PCDH15: variants seen among roughly 807,000 people sequenced by gnomAD.
PCDH15 encodes protocadherin related 15.
In PCDH15, 129 loss-of-function variants were observed where a neutral mutation model predicts 178.5. That is an observed-to-expected ratio of 0.72 (90% confidence interval 0.63 to 0.84). PCDH15 has a LOEUF of 0.84. Ranked by LOEUF, PCDH15 falls within the 40% of genes least tolerant of loss-of-function variation. The pLI is 0.00. For missense variants in PCDH15, 2,230 were observed against 2,099.9 expected (o/e 1.06, Z -1.21); for synonymous variants, 800 against 732.0 (o/e 1.09, Z -1.50).
chr10:55,117,725 A>C (rs77740671), intron 2 of PCDH15, among the ~76,000 whole-genome samples: 5,054 of 152,262 alleles, frequency 0.033, 251 homozygotes, highest in East Asian at 0.14. Context: ...AGAAAATCTA[A>C]AATTCAGAGA....
chr10:55,122,309 T>G (rs1227626076), intron 2 of PCDH15, among the ~76,000 whole-genome samples: 1 of 152,082 alleles, frequency 6.6e-6, no homozygotes, highest in Non-Finnish European at 1.5e-5. Flanking sequence ...GAAAGATAAG[T>G]GTAAGGAAGT....
intron 8 of PCDH15, among the ~76,000 whole-genome samples, chr10:54,248,968 A>G (rs2056239969): frequency 6.6e-6 from 1 of 152,024 alleles, no homozygotes; most frequent in South Asian, 2.1e-4. Flanking sequence ...GTTGCCAATG[A>G]AAAACTTCTA....
chr10:54,620,790 A>C (rs2093328106), intron 2 of PCDH15, among the ~76,000 whole-genome samples: 1 of 152,084 alleles, frequency 6.6e-6, no homozygotes, highest in African/African-American at 2.4e-5. Flanking sequence ...TAAGAGAAAA[A>C]GAGGCAGTCT....
chr10:54,722,233 T>G (rs1335422892), intron 1 of PCDH15, among the ~76,000 whole-genome samples: 1 of 151,760 alleles, frequency 6.6e-6, no homozygotes, highest in African/African-American at 2.4e-5. Flanking sequence ...ATAAGAGCCA[T>G]GTATGACAAG....
intron 1 of PCDH15, among the ~76,000 whole-genome samples, chr10:54,766,934 A>AAAC (rs567962112): frequency 1.7e-4 from 24 of 143,312 alleles, no homozygotes; most frequent in East Asian, 1.1e-3. Flanking sequence ...CATCTCAAAA[A>AAAC]AACAAAAAAA....
In PCDH15 at chr10:54,077,585, A is replaced by C. The variant is rs183023709; in HGVS notation, c.2091+1746T>G. ...CTGAATGCTTTCTTAATTTCACTTC[A>C]CTGTAATTATACCTCTTAATCTATG... On this transcript the variant is annotated intron_variant, in intron 17 of 37. Transcript: ENST00000644397. Among the ~76,000 whole-genome samples, 47 of 152,112 alleles carry C rather than the reference A, an allele frequency of 3.1e-4. No homozygotes were observed. The East Asian group carries it at 8.9e-3, about 29-fold the overall frequency.
intron 1 of PCDH15, among the ~76,000 whole-genome samples, chr10:55,197,064 G>A (rs1439455227): frequency 6.6e-6 from 1 of 151,572 alleles, no homozygotes; most frequent in Non-Finnish European, 1.5e-5. Context: ...TTTTTACTAG[G>A]TGAGCCACCT....
chr10:53,840,727 A>G (rs938193735), intron 28 of PCDH15, among the ~76,000 whole-genome samples: 9 of 152,204 alleles, frequency 5.9e-5, no homozygotes, highest in African/African-American at 2.2e-4. Flanking sequence ...ACCATGTCCT[A>G]TTTAACTTTA....
chr10:53,908,939 C>T (rs1310643242), intron 25 of PCDH15, among the ~76,000 whole-genome samples: 3 of 152,148 alleles, frequency 2.0e-5, no homozygotes, highest in African/African-American at 4.8e-5. Context: ...ATTTTTTATG[C>T]TGTTTTTCTT....
chr10:55,573,745 G>A (rs1383439958), intron 2 of PCDH15, among the ~76,000 whole-genome samples: 3 of 151,916 alleles, frequency 2.0e-5, no homozygotes, highest in Non-Finnish European at 4.4e-5. Context: ...CTGTTTTGAT[G>A]TGTTTTTATT....
chr10:54,141,501 A>G (rs184079579), intron 14 of PCDH15, among the ~76,000 whole-genome samples: 216 of 152,318 alleles, frequency 1.4e-3, no homozygotes, highest in South Asian at 3.5e-3. Context: ...CAATAATTTC[A>G]GTTGGTTCAG....
chr10:55,091,250 C>T (rs941170390), intron 2 of PCDH15, among the ~76,000 whole-genome samples: 2 of 151,760 alleles, frequency 1.3e-5, no homozygotes, highest in Non-Finnish European at 2.9e-5. Context: ...TTTAAGTAGA[C>T]TGTAATATAT....
rs555109982 is a variant in PCDH15, at chr10:54,991,750, G to A, written c.-79-94250C>T. On this transcript the variant is annotated intron_variant, in intron 2 of 5. Transcript: ENST00000458638. ...GGTGAGGAGATATTTAAAATCACTC[G>A]ACTTATTTATCAGTGGAGCTGAAAA... Among the ~76,000 whole-genome samples, 4 of 152,166 alleles carry A rather than the reference G, an allele frequency of 2.6e-5. No individual in the cohort carries two copies. The East Asian group carries it at 5.8e-4, about 22-fold the overall frequency.
At chr10:53,921,341 A>G (rs940623279) in intron 25 of PCDH15, among the ~76,000 whole-genome samples, 3 of 152,154 alleles carry the variant, frequency 2.0e-5, no homozygotes, top group Non-Finnish European at 2.9e-5. Context: ...ACCCCTCTAC[A>G]CCAACCTTAC....
intron 2 of PCDH15, among the ~76,000 whole-genome samples, chr10:54,622,599 A>ATTTTCTCT (rs2093392232): frequency 2.2e-5 from 1 of 46,320 alleles, no homozygotes; most frequent in African/African-American, 8.5e-5. Context: ...TATAATATAT[A>ATTTTCTCT]ATATATATAA....
At chr10:53,974,279 T>C (rs969958983) in intron 21 of PCDH15, among the ~76,000 whole-genome samples, 1 of 152,080 alleles carries the variant, frequency 6.6e-6, no homozygotes, top group Non-Finnish European at 1.5e-5. Flanking sequence ...CTTCCCAGAG[T>C]GTTGGGATTA....
intron 3 of PCDH15, among the ~76,000 whole-genome samples, chr10:54,404,588 AGGCAAAGAT>A (rs148365984): frequency 0.026 from 3,968 of 152,106 alleles, 161 homozygotes; most frequent in African/African-American, 0.088. Flanking sequence ...ACACAGGAAC[AGGCAAAGAT>A]GGCATGACCA....
chr10:54,317,551 G>T, intron 7 of PCDH15, 110 bp from the exon 8 acceptor site: 2 of 1,220,238 alleles, frequency 1.6e-6, no homozygotes, highest in Non-Finnish European at 1.2e-6. Context: ...AAGGTGGGTG[G>T]ATCACTTGAG....
intron 2 of PCDH15, among the ~76,000 whole-genome samples, chr10:55,548,754 A>C (rs1033189805): frequency 1.3e-5 from 2 of 152,134 alleles, no homozygotes; most frequent in African/African-American, 2.4e-5. Context: ...ATAAGATAAA[A>C]TGTACCATGG....
Sources: gnomAD v4.1 joint callset for allele counts (sites outside exome capture counted in the v4.1 genomes callset) on GRCh38, gnomAD v4.1.1 for gene constraint, MANE v1.5 for transcripts, NCBI Gene and HGNC (gene_info 2026-07-23, HGNC 2026-07-21) for gene names.